Variants in HS3ST4 observed in about 807,000 individuals in gnomAD.
HS3ST4 encodes the protein heparan sulfate-glucosamine 3-sulfotransferase 4, also known as heparan sulfate glucosamine 3-O-sulfotransferase 4.
Under a neutral mutation model 29.2 loss-of-function variants are expected in HS3ST4, and 17 were observed. The observed-to-expected ratio is 0.58, with a 90% CI of 0.40 to 0.87. The LOEUF is 0.87. Ranked by LOEUF, HS3ST4 falls within the 40% of genes least tolerant of loss-of-function variation. The pLI, the probability that HS3ST4 is intolerant of heterozygous loss-of-function variation, is 0.00. For missense variants in HS3ST4, 627 were observed against 634.5 expected (o/e 0.99, Z 0.13); for synonymous variants, 314 against 285.7 (o/e 1.10, Z -1.00).
intron 1 of HS3ST4, among the ~76,000 whole-genome samples, chr16:25,694,779 T>C (rs1394667205): frequency 6.6e-6 from 1 of 152,008 alleles, no homozygotes; most frequent in Middle Eastern, 3.2e-3. Flanking sequence ...TTTTTTTTTT[T>C]CCAATTCTAA....
chr16:25,830,022 G>A lies in HS3ST4; in HGVS notation c.734+136871G>A, dbSNP rs757425652. Among the ~76,000 whole-genome samples the A allele has an allele frequency of 2.6e-5, 4 of 151,824 alleles. No individual in the cohort carries two copies. The East Asian group carries it at 5.8e-4, about 22-fold the overall frequency. ...GGATTTTAAGTAGAGACGTGGTTTC[G>A]GCATGTTGCCCAGGCTGGTGTCGAG... On this transcript the variant is annotated intron_variant, in intron 1 of 1. Transcript: ENST00000331351.
At chr16:26,036,516 G>A (rs1233839019) in intron 1 of HS3ST4, among the ~76,000 whole-genome samples, 2 of 152,130 alleles carry the variant, frequency 1.3e-5, no homozygotes, top group Admixed American at 6.5e-5. Context: ...ACCTGCCCTG[G>A]ATTTTTGTTC....
At chr16:25,851,774 A>G (rs1967524423) in intron 1 of HS3ST4, among the ~76,000 whole-genome samples, 1 of 152,138 alleles carries the variant, frequency 6.6e-6, no homozygotes, top group African/African-American at 2.4e-5. Flanking sequence ...AACAACCGAG[A>G]ATTCATCCTA....
chr16:25,766,436 C>A (rs964161070), intron 1 of HS3ST4, among the ~76,000 whole-genome samples: 5 of 152,114 alleles, frequency 3.3e-5, no homozygotes, highest in Non-Finnish European at 5.9e-5. Flanking sequence ...AGACTATGGC[C>A]AAACTTTCTA....
At chr16:26,026,998 T>A (rs989129896) in intron 1 of HS3ST4, among the ~76,000 whole-genome samples, 3 of 152,218 alleles carry the variant, frequency 2.0e-5, no homozygotes, top group Non-Finnish European at 4.4e-5. Flanking sequence ...AAGCAATGAA[T>A]CTTTATTCAT....
intron 1 of HS3ST4, among the ~76,000 whole-genome samples, chr16:25,815,248 G>A (rs959503402): frequency 1.3e-5 from 2 of 152,186 alleles, no homozygotes; most frequent in African/African-American, 2.4e-5. Context: ...CCCCATCATT[G>A]AAGTGTGAAT....
At chr16:25,709,123 T>C (rs916238188) in intron 1 of HS3ST4, among the ~76,000 whole-genome samples, 4 of 151,472 alleles carry the variant, frequency 2.6e-5, no homozygotes, top group African/African-American at 9.7e-5. Flanking sequence ...GTTTAAACAA[T>C]GTCACCAGAT....
intron 1 of HS3ST4, among the ~76,000 whole-genome samples, chr16:25,889,923 CTT>C (rs1967991492): frequency 6.6e-6 from 1 of 151,592 alleles, no homozygotes; most frequent in Admixed American, 6.6e-5. Flanking sequence ...CTCTCTCTCT[CTT>C]GCCTGCTGCC....
At chr16:26,016,619 G>A (rs1453970494) in intron 1 of HS3ST4, among the ~76,000 whole-genome samples, 2 of 152,090 alleles carry the variant, frequency 1.3e-5, no homozygotes, top group African/African-American at 2.4e-5. Flanking sequence ...GACACAATTT[G>A]TACTTACCAT....
intron 1 of HS3ST4, among the ~76,000 whole-genome samples, chr16:26,106,807 G>A (rs968052623): frequency 2.6e-5 from 4 of 152,204 alleles, no homozygotes; most frequent in African/African-American, 9.6e-5. Flanking sequence ...CAAGCCCTCT[G>A]CCCATATCCT....
chr16:25,831,330 A>T (rs973752952), intron 1 of HS3ST4, among the ~76,000 whole-genome samples: 3 of 151,466 alleles, frequency 2.0e-5, no homozygotes, highest in Non-Finnish European at 2.9e-5. Context: ...TGGCAGGCCA[A>T]GTTGGGAGGA....
chr16:25,754,889 C>T (rs1303284709), intron 1 of HS3ST4, among the ~76,000 whole-genome samples: 1 of 151,954 alleles, frequency 6.6e-6, no homozygotes, highest in East Asian at 1.9e-4. Context: ...ATCTATCCAC[C>T]TACCCATCAA....
intron 1 of HS3ST4, among the ~76,000 whole-genome samples, chr16:26,092,076 C>T (rs11861027): frequency 0.45 from 68,238 of 151,756 alleles, 16,013 homozygotes; most frequent in Non-Finnish European, 0.51. Context: ...CCTGGCCCCA[C>T]GGTGGGAGGC....
At chr16:25,989,644 C>T (rs527432976) in intron 1 of HS3ST4, among the ~76,000 whole-genome samples, 13 of 152,304 alleles carry the variant, frequency 8.5e-5, no homozygotes, top group African/African-American at 2.6e-4. Flanking sequence ...GTTAAGGTCC[C>T]GTATGAGGCC....
At chr16:25,713,529 A>AAAACAAACAAAC (rs60981273) in intron 1 of HS3ST4, among the ~76,000 whole-genome samples, 52 of 150,610 alleles carry the variant, frequency 3.5e-4, no homozygotes, top group African/African-American at 1.1e-3. Context: ...CCCTGTCTCA[A>AAAACAAACAAAC]AAACAAACAA....
At chr16:25,885,020 C>T (rs912569844) in intron 1 of HS3ST4, among the ~76,000 whole-genome samples, 2 of 151,936 alleles carry the variant, frequency 1.3e-5, no homozygotes, top group Non-Finnish European at 2.9e-5. Context: ...GGAGAAGAGC[C>T]CCATTTCAGA....
At chr16:26,059,498 A>G (rs1267663527) in intron 1 of HS3ST4, among the ~76,000 whole-genome samples, 4 of 152,182 alleles carry the variant, frequency 2.6e-5, no homozygotes, top group Non-Finnish European at 5.9e-5. Context: ...AAAAATAGGC[A>G]TCGTACAAAA....
chr16:26,041,504 C>A (rs112534887), intron 1 of HS3ST4, among the ~76,000 whole-genome samples: 2,522 of 152,090 alleles, frequency 0.017, 64 homozygotes, highest in African/African-American at 0.056. Flanking sequence ...ACAAACAAAA[C>A]AAAACCCTGA....
chr16:26,007,154 A>G (rs1333621668), intron 1 of HS3ST4, among the ~76,000 whole-genome samples: 1 of 152,250 alleles, frequency 6.6e-6, no homozygotes, highest in Non-Finnish European at 1.5e-5. Context: ...CCTCACTGAC[A>G]TGTGACAATT....
Sources: allele counts gnomAD v4.1 joint callset (sites outside exome capture counted in the v4.1 genomes callset), GRCh38; gene constraint gnomAD v4.1.1; transcripts MANE v1.5; gene names NCBI Gene and HGNC (gene_info 2026-07-23, HGNC 2026-07-21).